The following ROBO2 variants were observed in gnomAD, a reference collection of about 807,000 sequenced individuals.
ROBO2 encodes roundabout homolog 2.
In ROBO2, 53 loss-of-function variants were observed where a neutral mutation model predicts 160.8. The ratio of observed to expected loss-of-function variants is 0.33; its 90% CI spans 0.26 to 0.41. The LOEUF (loss-of-function observed/expected upper bound fraction) is 0.41, where lower values mean the gene tolerates loss of function less well. Ranked by LOEUF, ROBO2 falls within the 10% of genes least tolerant of loss-of-function variation. The pLI, the probability that ROBO2 is intolerant of heterozygous loss-of-function variation, is 1.00. For missense variants in ROBO2, 1,577 were observed against 1,722.4 expected, an observed-to-expected ratio of 0.92 and a Z score of 1.49; for synonymous variants, 664 against 611.7, an observed-to-expected ratio of 1.09 and a Z score of -1.26.
At chr3:76,985,001 T>C (rs1171872710) in intron 2 of ROBO2, among the ~76,000 whole-genome samples, 1 of 152,096 alleles carries the variant, frequency 6.6e-6, no homozygotes, top group East Asian at 1.9e-4. Context: ...CAAAATAGAA[T>C]TGATATGAGT....
At chr3:76,582,769 T>C (rs2085782425) in intron 2 of ROBO2, among the ~76,000 whole-genome samples, 1 of 152,112 alleles carries the variant, frequency 6.6e-6, no homozygotes, top group African/African-American at 2.4e-5. Context: ...TGGTGGTAGA[T>C]GGATTAACTG....
intron 2 of ROBO2, among the ~76,000 whole-genome samples, chr3:77,374,197 A>AAAAAAAGC (rs2072283956): frequency 2.2e-5 from 3 of 139,026 alleles, no homozygotes; most frequent in African/African-American, 7.7e-5. Flanking sequence ...AAAAAAAAAA[A>AAAAAAAGC]AAAAAAGCTG....
chr3:76,140,641 T>C (rs1171051552), intron 2 of ROBO2, among the ~76,000 whole-genome samples: 1 of 151,846 alleles, frequency 6.6e-6, no homozygotes, highest in Admixed American at 6.6e-5. Flanking sequence ...CCCTGTGAAA[T>C]AGGATATCTT....
chr3:76,497,826 GCCAGCATTC>G (rs904647801), intron 2 of ROBO2, among the ~76,000 whole-genome samples: 19 of 152,204 alleles, frequency 1.2e-4, no homozygotes, highest in South Asian at 6.2e-4. Context: ...ATTAACTTCT[GCCAGCATTC>G]CCAGCATTCC....
intron 5 of ROBO2, among the ~76,000 whole-genome samples, chr3:77,518,305 C>A: frequency 1.3e-5 from 2 of 151,508 alleles, no homozygotes; most frequent in Admixed American, 1.3e-4. Context: ...TTTAGCCTAA[C>A]GAGTCAATCA....
intron 2 of ROBO2, among the ~76,000 whole-genome samples, chr3:76,380,290 C>T (rs2076552879): frequency 6.6e-6 from 1 of 152,004 alleles, no homozygotes; most frequent in Non-Finnish European, 1.5e-5. Flanking sequence ...ATCTAGTCTA[C>T]AAATATTTAT....
chr3:77,316,726 A>T, intron 2 of ROBO2: 2 of 903,876 alleles, frequency 2.2e-6, no homozygotes, highest in Non-Finnish European at 3.7e-6. Flanking sequence ...AAAATAGTTT[A>T]AATTAAACAA....
rs187222073 is a variant in ROBO2, at chr3:77,564,153, A to G, written c.1683-801A>G. Among the ~76,000 whole-genome samples, 4 of 152,270 alleles carry G rather than the reference A, an allele frequency of 2.6e-5. No homozygotes were observed. In the East Asian group the frequency reaches 7.7e-4, roughly 29 times the overall value. ...CTAGGTACTTAATTTTCAAATTTCA[A>G]AATACTACGTTTCTATCATTCTTAT... On this transcript the variant is annotated intron_variant, in intron 11 of 25. Transcript: ENST00000461745.
At chr3:76,087,064 A>C (rs577532122) in intron 2 of ROBO2, among the ~76,000 whole-genome samples, 16 of 152,142 alleles carry the variant, frequency 1.1e-4, no homozygotes, top group African/African-American at 3.8e-4. Context: ...CTATGCATAA[A>C]GGAAATACAA....
chr3:76,428,485 TTG>T (rs2076307410), intron 2 of ROBO2, among the ~76,000 whole-genome samples: 1 of 152,308 alleles, frequency 6.6e-6, no homozygotes, highest in African/African-American at 2.4e-5. Context: ...ATGTTAAAGA[TTG>T]TGTAGATTTT....
At chr3:76,139,503 G>T (rs1577018397) in intron 2 of ROBO2, among the ~76,000 whole-genome samples, 2 of 152,040 alleles carry the variant, frequency 1.3e-5, no homozygotes, top group Admixed American at 6.6e-5. Context: ...ATTTATCTTT[G>T]TATCTTGAGC....
At chr3:75,993,699 A>C (rs980621302) in intron 2 of ROBO2, among the ~76,000 whole-genome samples, 3 of 152,138 alleles carry the variant, frequency 2.0e-5, no homozygotes, top group Non-Finnish European at 4.4e-5. Context: ...CAGTGATGGT[A>C]GGCAGAGAAG....
chr3:77,080,214 G>A (rs937860701), intron 1 of ROBO2, among the ~76,000 whole-genome samples: 8 of 152,108 alleles, frequency 5.3e-5, no homozygotes, highest in South Asian at 2.1e-4. Context: ...GGACAACACC[G>A]TAAGTCACGT....
At chr3:76,375,210 C>T (rs1024703485) in intron 2 of ROBO2, among the ~76,000 whole-genome samples, 12 of 151,882 alleles carry the variant, frequency 7.9e-5, no homozygotes, top group African/African-American at 2.9e-4. Flanking sequence ...AATTTGGCAT[C>T]CTAATTTGTG....
chr3:76,722,482 G>C (rs1576236344), intron 2 of ROBO2, among the ~76,000 whole-genome samples: 1 of 152,086 alleles, frequency 6.6e-6, no homozygotes, highest in East Asian at 1.9e-4. Flanking sequence ...AAGTCCACCA[G>C]CTTAAAGTAC....
At chr3:76,148,642 T>TTG (rs1364705656) in intron 2 of ROBO2, among the ~76,000 whole-genome samples, 2 of 152,104 alleles carry the variant, frequency 1.3e-5, no homozygotes, top group Admixed American at 1.3e-4. Flanking sequence ...GTCCCAGTGT[T>TTG]TGATTCTCAG....
At chr3:76,378,435 TA>T (rs1162499523) in intron 2 of ROBO2, among the ~76,000 whole-genome samples, 1 of 152,176 alleles carries the variant, frequency 6.6e-6, no homozygotes, top group African/African-American at 2.4e-5. Context: ...AAAGTTCAAG[TA>T]TCATCCAGCC....
chr3:77,256,343 T>C (rs927755553), intron 2 of ROBO2, among the ~76,000 whole-genome samples: 1 of 152,184 alleles, frequency 6.6e-6, no homozygotes, highest in African/African-American at 2.4e-5. Context: ...ATATTTATAA[T>C]GTATCTGTGC....
intron 2 of ROBO2, among the ~76,000 whole-genome samples, chr3:76,828,990 C>T (rs1234539560): frequency 6.6e-6 from 1 of 152,096 alleles, no homozygotes; most frequent in Non-Finnish European, 1.5e-5. Flanking sequence ...TGCCCACCTC[C>T]TTCTTGCCTT....
Sources: allele counts gnomAD v4.1 joint callset (sites outside exome capture counted in the v4.1 genomes callset), GRCh38; gene constraint gnomAD v4.1.1; transcripts MANE v1.5; gene names NCBI Gene and HGNC (gene_info 2026-07-23, HGNC 2026-07-21).